UTP6: variants seen among roughly 807,000 people sequenced by gnomAD.
UTP6 encodes the protein U3 small nucleolar RNA-associated protein 6 homolog.
In UTP6, 60 loss-of-function variants were observed where a neutral mutation model predicts 96.5. That is an observed-to-expected ratio of 0.62 (90% CI 0.51 to 0.77). The LOEUF (loss-of-function observed/expected upper bound fraction) is 0.77, where lower values mean the gene tolerates loss of function less well. Ranked by LOEUF, UTP6 falls within the 30% of genes least tolerant of loss-of-function variation. UTP6 has a pLI of 0.00. For missense variants in UTP6, 637 were observed against 706.5 expected (o/e 0.90, Z 1.12); for synonymous variants, 215 against 240.1 (o/e 0.90, Z 0.96).
In UTP6 at chr17:31,873,469, T is replaced by G. The variant is rs1048335945; in HGVS notation, c.1405A>C (p.Ile469Leu). The change falls in exon 16 of 19, where the codon ATA (isoleucine) becomes CTA (leucine). Residue 469 changes from isoleucine to leucine, a missense_variant. Transcript: ENST00000261708. ...AVFKKALLAVIGADSVTLKNK... is the reference protein window; with the variant it reads ...AVFKKALLAVLGADSVTLKNK... Reference sequence around the variant, plus strand: ...TTCAGGGTTACTGAGTCGGCACCTATGACAGCTAAGAGAGCTTTCTACAAT... The same window carrying G: ...TTCAGGGTTACTGAGTCGGCACCTAGGACAGCTAAGAGAGCTTTCTACAAT... 2 of 1,613,968 alleles carry G rather than the reference T, an allele frequency of 1.2e-6. No individual in the cohort carries two copies. The highest frequency in any genetic ancestry group is 1.3e-5 in the African/African-American group (1 of 74,900).
intron 2 of UTP6, among the ~76,000 whole-genome samples, chr17:31,896,643 A>ATT (rs147716521): frequency 4.1e-5 from 6 of 146,908 alleles, no homozygotes; most frequent in African/African-American, 1.1e-4. Flanking sequence ...CACAGAAAAA[A>ATT]ATTTTTTTTT....
intron 5 of UTP6, 131 bp downstream of exon 5, chr17:31,892,616 A>G: frequency 1.0e-6 from 1 of 1,000,784 alleles, no homozygotes; most frequent in Non-Finnish European, 1.5e-6. Flanking sequence ...TGTTATATTG[A>G]TGTTCCGCCT....
At chr17:31,894,871 A>G in intron 3 of UTP6, 99 bp downstream of exon 3, 1 of 1,299,220 alleles carries the variant, frequency 7.7e-7, no homozygotes, top group Non-Finnish European at 1.1e-6. Context: ...ATATCACCAC[A>G]GTTTTATCAA....
chr17:31,877,294 C>A (rs755701341), intron 13 of UTP6, among the ~76,000 whole-genome samples: 81 of 152,144 alleles, frequency 5.3e-4, no homozygotes, highest in African/African-American at 1.8e-3. Context: ...AGAGAAAAAA[C>A]CTAAAAACAA....
chr17:31,892,668 A>G, intron 5 of UTP6, 79 bp downstream of exon 5: 2 of 1,581,892 alleles, frequency 1.3e-6, no homozygotes. Context: ...CTTCAGGAAA[A>G]AACATCTGGC....
intron 4 of UTP6, among the ~76,000 whole-genome samples, chr17:31,894,145 T>C (rs559655293): frequency 2.0e-5 from 3 of 151,376 alleles, no homozygotes; most frequent in Non-Finnish European, 4.4e-5. Flanking sequence ...GGCATGCGCC[T>C]GTGATCCCAG....
chr17:31,891,384 G>A (rs926225915), intron 6 of UTP6, among the ~76,000 whole-genome samples: 1 of 152,176 alleles, frequency 6.6e-6, no homozygotes, highest in Non-Finnish European at 1.5e-5. Flanking sequence ...ATTCTGCTAA[G>A]AGCATTCTGC....
chr17:31,869,904 T>C (rs561101650), intron 16 of UTP6, among the ~76,000 whole-genome samples: 15 of 152,282 alleles, frequency 9.9e-5, no homozygotes, highest in Middle Eastern at 3.4e-3. Context: ...TTAGCTATAA[T>C]TGCAAGTGAG....
At chr17:31,897,367 A>G (rs925461467) in intron 2 of UTP6, among the ~76,000 whole-genome samples, 1 of 151,868 alleles carries the variant, frequency 6.6e-6, no homozygotes, top group African/African-American at 2.4e-5. Flanking sequence ...TCCAAAAACA[A>G]TAGCTTAGCC....
intron 3 of UTP6, 114 bp downstream of exon 3, chr17:31,894,856 T>A: frequency 7.9e-7 from 1 of 1,271,054 alleles, no homozygotes; most frequent in South Asian, 1.3e-5. Context: ...ATATCCATTA[T>A]AGGCATATCA....
Position 31,878,335 on chromosome 17 carries a change from C to A in UTP6, c.1048-8G>T. On this transcript the variant is annotated splice_polypyrimidine_tract_variant and splice_region_variant and intron_variant, in intron 12 of 18. Coordinates refer to ENST00000261708, the MANE Select transcript of UTP6 (RefSeq NM_018428.3). ...CATGGTTCTTTCCAACCTCTGAAAA[C>A]AGAAAAATCCCTCAGTTCATTACAA... The A allele has an allele frequency of 6.2e-7, 1 of 1,613,980 alleles. No homozygotes were observed. The highest frequency in any genetic ancestry group is 8.5e-7 in the Non-Finnish European group (1 of 1,179,926).
At chr17:31,901,290 C>T in intron 1 of UTP6, 1 of 508,014 alleles carries the variant, frequency 2.0e-6, no homozygotes. Flanking sequence ...GGGTTTATCA[C>T]CTTTACAGCC....
In UTP6 at chr17:31,894,991, C is replaced by A. The variant is rs576422881; in HGVS notation, c.198G>T (p.Glu66Asp). ...NYVQYEINLL[E>D]LIQRRRTRIG... Reference sequence around the variant, plus strand: ...TTACTGTTCTTCTTCTCTGGATCAGCTCCAAAAGATTAATTTCATACTATG... The same window carrying A: ...TTACTGTTCTTCTTCTCTGGATCAGATCCAAAAGATTAATTTCATACTATG... The change falls in exon 3 of 19, where the codon GAG becomes GAT. Residue 66 changes from glutamate to aspartate, a missense_variant. Glu to Asp is a conservative substitution (Grantham distance 45). Coordinates refer to ENST00000261708, the MANE Select transcript of UTP6 (RefSeq NM_018428.3). 7.6e-5 allele frequency: 118 copies of A among 1,546,242 alleles called. No homozygotes were observed. The highest frequency in any genetic ancestry group is 1.4e-4 in the East Asian group (6 of 43,848).
Position 31,889,326 on chromosome 17 carries a change from C to T in UTP6, c.502G>A (p.Ala168Thr), listed in dbSNP as rs199527189. ...GGGCACTCTGGATGAAAGCGCAGTG[C>T]GCGAAGAAATAGTTGCCTTGCGCTT... ...SESARQLFLR[A>T]LRFHPECPKL... Residue 168 changes from alanine to threonine, a missense_variant, in exon 7 of 19, where the codon GCA becomes ACA. Ala to Thr is a moderately conservative substitution (Grantham distance 58). Coordinates refer to ENST00000261708, the MANE Select transcript of UTP6 (RefSeq NM_018428.3). 15 of 1,613,692 alleles carry T rather than the reference C, an allele frequency of 9.3e-6. No individual in the cohort carries two copies. Among genetic ancestry groups the T allele is most frequent in the South Asian group, 3.3e-5 (3 of 91,088 alleles).
intron 2 of UTP6, 94 bp from the exon 3 acceptor site, chr17:31,895,105 G>A (rs553786291): frequency 5.3e-6 from 5 of 937,110 alleles, no homozygotes; most frequent in East Asian, 5.9e-5. Context: ...AACAAAAATC[G>A]AGAATATAAA....
At chr17:31,899,800 T>C in intron 1 of UTP6, 70 bp from the exon 2 acceptor site, 1 of 1,124,508 alleles carries the variant, frequency 8.9e-7, no homozygotes, top group Non-Finnish European at 1.3e-6. Flanking sequence ...ATTTTGAATA[T>C]ATTTAAAACA....
rs773198862 is a variant in UTP6, at chr17:31,886,070, T to TAAGGATTAC, written c.622-10_622-9insGTAATCCTT. The TAAGGATTAC allele has an allele frequency of 6.2e-6, 10 of 1,609,684 alleles. No homozygotes were observed. Among genetic ancestry groups the TAAGGATTAC allele is most frequent in the Non-Finnish European group, 8.5e-6 (10 of 1,178,760 alleles). On this transcript the variant is annotated splice_polypyrimidine_tract_variant and intron_variant, in intron 8 of 18. Transcript: ENST00000261708. Reference sequence around the variant, plus strand: ...GAATAATCAGGATTCTCCTAAAGAGTGTTATATCAAACGTAACTTAACAGG... The same window carrying TAAGGATTAC: ...GAATAATCAGGATTCTCCTAAAGAGTAAGGATTACGTTATATCAAACGTAACTTAACAGG...
At chr17:31,877,649 T>C (rs1331902028) in intron 13 of UTP6, among the ~76,000 whole-genome samples, 3 of 151,942 alleles carry the variant, frequency 2.0e-5, no homozygotes, top group Non-Finnish European at 2.9e-5. Context: ...CTGGCCAACA[T>C]AGTGAAACTC....
At chr17:31,867,443 G>A (rs1326746987) in intron 17 of UTP6, among the ~76,000 whole-genome samples, 1 of 150,050 alleles carries the variant, frequency 6.7e-6, no homozygotes, top group East Asian at 2.0e-4. Flanking sequence ...AGGATGCAGA[G>A]TTTGCAGTGA....
Sources: gnomAD v4.1 joint callset for allele counts (sites outside exome capture counted in the v4.1 genomes callset) on GRCh38, gnomAD v4.1.1 for gene constraint, MANE v1.5 for transcripts, NCBI Gene and HGNC (gene_info 2026-07-23, HGNC 2026-07-21) for gene names.